Variants in PPP2R2C observed in about 807,000 individuals in gnomAD.
PPP2R2C encodes the protein protein phosphatase 2 regulatory subunit Bgamma, also known as protein phosphatase 2, regulatory subunit B, gamma.
A neutral mutation model predicts 45.3 loss-of-function variants in PPP2R2C; 10 were observed. The ratio of observed to expected loss-of-function variants is 0.22; its 90% CI spans 0.14 to 0.37. The LOEUF (loss-of-function observed/expected upper bound fraction) is 0.37. PPP2R2C is among the 10% of genes least tolerant of loss of function. PPP2R2C has a pLI of 1.00. For synonymous variants in PPP2R2C, 257 were observed against 245.4 expected (o/e 1.05, Z -0.44); for missense variants, 308 against 619.7 (o/e 0.50, Z 5.34).
intron 1 of PPP2R2C, among the ~76,000 whole-genome samples, chr4:6,419,362 G>A (rs1718814264): frequency 6.6e-6 from 1 of 152,100 alleles, no homozygotes; most frequent in Non-Finnish European, 1.5e-5. Flanking sequence ...GGAGGCAGTG[G>A]TTGCAGTGAG....
chr4:6,421,035 C>T, intron 1 of PPP2R2C: 2 of 985,212 alleles, frequency 2.0e-6, no homozygotes, highest in Non-Finnish European at 1.2e-6. Flanking sequence ...GGAAGCGGTG[C>T]TTTGTGTGCA....
chr4:6,455,829 C>T (rs1720995354), intron 1 of PPP2R2C, among the ~76,000 whole-genome samples: 1 of 152,134 alleles, frequency 6.6e-6, no homozygotes, highest in South Asian at 2.1e-4. Flanking sequence ...TGAATGTCGC[C>T]CCCTCCCCCT....
chr4:6,553,723 C>G (rs1725263339), intron 1 of PPP2R2C, among the ~76,000 whole-genome samples: 1 of 152,232 alleles, frequency 6.6e-6, no homozygotes, highest in Admixed American at 6.5e-5. Context: ...GCTCCCATCT[C>G]TATGTTCAGG....
At chr4:6,382,036 A>G in intron 1 of PPP2R2C, 1 of 1,407,288 alleles carries the variant, frequency 7.1e-7, no homozygotes, top group Non-Finnish European at 9.2e-7. Flanking sequence ...ACAGCTCACC[A>G]ACCTGAAGCC....
rs577620811 is a variant in PPP2R2C at position 6,413,682 on chromosome 4, A to G, written c.71-32588T>C. ...CCTGTTCCATTCATGATGAGGGGAAAGCCCACATATCCCCTGAGGGCCAGG... is the reference window on the plus strand; with the variant it reads ...CCTGTTCCATTCATGATGAGGGGAAGGCCCACATATCCCCTGAGGGCCAGG... On this transcript the variant is annotated intron_variant, in intron 1 of 8. Transcript: ENST00000382599. Among the ~76,000 whole-genome samples, 3 of 152,316 alleles carry G rather than the reference A, an allele frequency of 2.0e-5. No individual in the cohort carries two copies. In the South Asian group the frequency reaches 6.2e-4, roughly 32 times the overall value.
chr4:6,416,906 G>C (rs897815163), intron 1 of PPP2R2C, among the ~76,000 whole-genome samples: 2 of 152,192 alleles, frequency 1.3e-5, no homozygotes, highest in African/African-American at 4.8e-5. Flanking sequence ...TGACGCTGGA[G>C]TATTGGGGAG....
At chr4:6,376,415 C>T (rs1001725535) in intron 3 of PPP2R2C, among the ~76,000 whole-genome samples, 2 of 151,072 alleles carry the variant, frequency 1.3e-5, no homozygotes, top group African/African-American at 4.9e-5. Flanking sequence ...TGAAAGATGA[C>T]CTTTTCTGTA....
upstream of PPP2R2C, among the ~76,000 whole-genome samples, chr4:6,474,981 C>T (rs908487911): frequency 1.3e-5 from 2 of 152,218 alleles, no homozygotes; most frequent in African/African-American, 4.8e-5. Context: ...TCTGTACTTT[C>T]ATTCATTCAA....
Position 6,328,551 on chromosome 4 carries a change from A to G in PPP2R2C, c.1052+711T>C, listed in dbSNP as rs892454279. On this transcript the variant is annotated intron_variant, in intron 8 of 8. Transcript: ENST00000382599. This position sits in a 1 kb window ranked among gnomAD's most constrained non-coding sequence, Gnocchi z 4.4. ...CTCCAGAATGGAGGAAGAATCCCAG[A>G]GAAGAGACACAGAGGTAAGGACCCA... Among the ~76,000 whole-genome samples the G allele has an allele frequency of 4.6e-5, 7 of 152,222 alleles. No homozygotes were observed. The highest frequency in any genetic ancestry group is 4.6e-4 in the Admixed American group (7 of 15,290).
intron 1 of PPP2R2C, among the ~76,000 whole-genome samples, chr4:6,434,239 T>C (rs541446872): frequency 6.4e-4 from 97 of 152,336 alleles, no homozygotes; most frequent in African/African-American, 2.3e-3. Context: ...CTGGAATAAT[T>C]TATGTAAACA....
intron 1 of PPP2R2C, among the ~76,000 whole-genome samples, chr4:6,462,437 C>G (rs888469791): frequency 2.0e-5 from 3 of 151,998 alleles, no homozygotes; most frequent in Non-Finnish European, 2.9e-5. Context: ...CAAGATCACG[C>G]CATTGTACTC....
At chr4:6,447,842 G>A (rs1413237100) in intron 1 of PPP2R2C, among the ~76,000 whole-genome samples, 1 of 152,134 alleles carries the variant, frequency 6.6e-6, no homozygotes, top group African/African-American at 2.4e-5. Context: ...AGCAGCGCAA[G>A]CACATCCCTG....
intron 1 of PPP2R2C, among the ~76,000 whole-genome samples, chr4:6,551,533 C>T (rs1476199437): frequency 6.6e-6 from 1 of 152,240 alleles, no homozygotes; most frequent in African/African-American, 2.4e-5. Flanking sequence ...CTGTGACCCA[C>T]TCAACCAAGA....
At chr4:6,535,449 A>C in intron 1 of PPP2R2C, 20 of 1,000,218 alleles carry the variant, frequency 2.0e-5, no homozygotes, top group African/African-American at 3.3e-5. Context: ...CACACACCAC[A>C]TGCAACGCGA....
chr4:6,554,997 G>A lies in PPP2R2C; in HGVS notation c.-59+8563C>T, dbSNP rs569398809. The stretch of plus-strand genomic sequence containing the variant: ...AGAAAGAAAAGAGAAGAGAAGAGAA[G>A]AGAAAAGAAAAGAAAAAGAAATTGC... On this transcript the variant is annotated intron_variant, in intron 1 of 9. Transcript: ENST00000506140. Among the ~76,000 whole-genome samples, 6 of 149,930 alleles carry A rather than the reference G, an allele frequency of 4.0e-5. No homozygotes were observed. In the South Asian group the frequency reaches 6.3e-4, roughly 16 times the overall value.
At chr4:6,340,115 T>A (rs1388528080) in intron 6 of PPP2R2C, among the ~76,000 whole-genome samples, 3 of 152,104 alleles carry the variant, frequency 2.0e-5, no homozygotes, top group Non-Finnish European at 4.4e-5. Context: ...GATGAAGAGA[T>A]GACAGTTGTC....
chr4:6,395,882 T>TC (rs1236288144), intron 1 of PPP2R2C, among the ~76,000 whole-genome samples: 3 of 152,012 alleles, frequency 2.0e-5, no homozygotes, highest in Non-Finnish European at 4.4e-5. Flanking sequence ...AGTCCCAGCC[T>TC]CCCCCAGGCC....
chr4:6,431,961 T>G (rs988294251), intron 1 of PPP2R2C, among the ~76,000 whole-genome samples: 1 of 152,174 alleles, frequency 6.6e-6, no homozygotes. Flanking sequence ...AGTTCATAGA[T>G]GGCCATCTTC....
At position 6,345,850 on chromosome 4, in the gene PPP2R2C, T is replaced by C. The variant is rs1453847062; in HGVS notation, c.790+1996A>G. Among the ~76,000 whole-genome samples the C allele has an allele frequency of 3.9e-5, 6 of 152,102 alleles. No individual in the cohort carries two copies. The highest frequency in any genetic ancestry group is 8.8e-5 in the Non-Finnish European group (6 of 67,998). On this transcript the variant is annotated intron_variant, in intron 6 of 8. Transcript: ENST00000382599. This position sits in a 1 kb window ranked among gnomAD's most constrained non-coding sequence, Gnocchi z 5.3. Reference sequence around the variant, plus strand: ...ATCTCAGCTGGTCTCCAGCCTCCCATCAGTCCACGGCCACTAACTCCACAC... The same window carrying C: ...ATCTCAGCTGGTCTCCAGCCTCCCACCAGTCCACGGCCACTAACTCCACAC...
Sources: allele counts gnomAD v4.1 joint callset (sites outside exome capture counted in the v4.1 genomes callset), GRCh38; gene constraint gnomAD v4.1.1; non-coding constraint Gnocchi (gnomAD v3.1); transcripts MANE v1.5; gene names NCBI Gene and HGNC (gene_info 2026-07-23, HGNC 2026-07-21).